The following GPHN variants were observed in gnomAD, a reference collection of about 807,000 sequenced individuals.
The protein encoded by GPHN is gephyrin.
Under a neutral mutation model 95.5 loss-of-function variants are expected in GPHN, and 17 were observed. That is an observed-to-expected ratio of 0.18 (90% CI 0.12 to 0.27). The LOEUF (loss-of-function observed/expected upper bound fraction) is 0.27. Ranked by LOEUF, GPHN falls within the 10% of genes least tolerant of loss-of-function variation. The probability of loss-of-function intolerance (pLI) is 1.00; values close to 1 mark genes in which losing one functional copy is unlikely to be tolerated. For synonymous variants in GPHN, 320 were observed against 322.5 expected (o/e 0.99, Z 0.08); for missense variants, 660 against 978.1 (o/e 0.67, Z 4.34).
the GPHN span, among the ~76,000 whole-genome samples, chr14:67,196,462 T>A: frequency 6.6e-6 from 1 of 152,196 alleles, no homozygotes; most frequent in Non-Finnish European, 1.5e-5. Context: ...CCTAAGGTGA[T>A]CTGCCCGCCT....
At chr14:67,144,242 A>ATATATATATATATATATATAT (rs1567399860) in intron 18 of GPHN, among the ~76,000 whole-genome samples, 1 of 68,076 alleles carries the variant, frequency 1.5e-5, no homozygotes, top group African/African-American at 7.9e-5. Context: ...GTCTTAAAAA[A>ATATATATATATATATATATAT]AAAAAAAAAT....
At chr14:66,714,070 A>G (rs1454775963) in intron 2 of GPHN, among the ~76,000 whole-genome samples, 1 of 152,092 alleles carries the variant, frequency 6.6e-6, no homozygotes, top group Admixed American at 6.6e-5. Flanking sequence ...TGCCAGGCCC[A>G]GTATGGTCAT....
At chr14:66,683,359 T>C (rs1176728883) in intron 2 of GPHN, among the ~76,000 whole-genome samples, 2 of 88,668 alleles carry the variant, frequency 2.3e-5, no homozygotes, top group East Asian at 5.6e-4. Flanking sequence ...TATATATATA[T>C]ATATATATAT....
the GPHN span, among the ~76,000 whole-genome samples, chr14:67,493,405 CCA>C: frequency 6.6e-6 from 1 of 152,174 alleles, no homozygotes; most frequent in Admixed American, 6.5e-5. Context: ...CCAACCCCAG[CCA>C]ACACAGGGAG....
At chr14:67,228,270 G>T in the GPHN span, 2 of 218,572 alleles carry the variant, frequency 9.2e-6, no homozygotes, top group African/African-American at 4.7e-5. Flanking sequence ...TTTATATCAA[G>T]AAGAAAAGTT....
intron 9 of GPHN, among the ~76,000 whole-genome samples, chr14:66,972,973 A>C (rs760236720): frequency 2.2e-4 from 34 of 152,204 alleles, no homozygotes; most frequent in Non-Finnish European, 4.1e-4. Flanking sequence ...ATAATGTCTG[A>C]GTACTATTAC....
chr14:66,808,816 T>C (rs2060651114), intron 3 of GPHN, among the ~76,000 whole-genome samples: 1 of 152,140 alleles, frequency 6.6e-6, no homozygotes, highest in Non-Finnish European at 1.5e-5. Context: ...GTATATATTT[T>C]AGATATGTAT....
the GPHN span, chr14:67,292,755 G>A: frequency 3.3e-6 from 5 of 1,495,628 alleles, no homozygotes; most frequent in Admixed American, 3.5e-5. Flanking sequence ...TGTCTACAAG[G>A]TAATTAGTAG....
chr14:67,320,546 T>C, the GPHN span: 5 of 735,362 alleles, frequency 6.8e-6, no homozygotes, highest in African/African-American at 7.3e-5. Context: ...TGACAATTTT[T>C]AAATTAAAAA....
chr14:66,612,050 TAA>T (rs938649912), intron 1 of GPHN, among the ~76,000 whole-genome samples: 1 of 152,062 alleles, frequency 6.6e-6, no homozygotes, highest in Non-Finnish European at 1.5e-5. Flanking sequence ...GCCTAATACT[TAA>T]ACTGTTCTCT....
the GPHN span, among the ~76,000 whole-genome samples, chr14:67,686,708 T>A: frequency 6.6e-6 from 1 of 151,686 alleles, no homozygotes; most frequent in Non-Finnish European, 1.5e-5. Flanking sequence ...ACATGCTATT[T>A]CAGGCCCCCA....
intron 13 of GPHN, among the ~76,000 whole-genome samples, chr14:67,109,906 C>T (rs1028936013): frequency 6.6e-5 from 10 of 151,936 alleles, no homozygotes; most frequent in African/African-American, 1.7e-4. Context: ...ACCAAGACAC[C>T]GAATAGTCAT....
chr14:67,727,062 C>T, the GPHN span: 41 of 1,614,082 alleles, frequency 2.5e-5, no homozygotes, highest in East Asian at 5.8e-4. Context: ...TCCTCGGTGG[C>T]TCACCACATT....
the GPHN span, among the ~76,000 whole-genome samples, chr14:67,389,860 T>C: frequency 6.6e-6 from 1 of 152,052 alleles, no homozygotes; most frequent in Admixed American, 6.6e-5. Flanking sequence ...AGGAAGGAGT[T>C]TGAACTCCAT....
chr14:67,333,272 A>G, the GPHN span: 1 of 196,930 alleles, frequency 5.1e-6, no homozygotes. Flanking sequence ...GCTTAGTTGT[A>G]TCTCTGTGAA....
At chr14:66,727,552 T>C (rs118126280) in intron 2 of GPHN, among the ~76,000 whole-genome samples, 52 of 152,252 alleles carry the variant, frequency 3.4e-4, no homozygotes, top group Middle Eastern at 6.8e-3. Context: ...TGGTCTCAGA[T>C]GGAGATGAAG....
chr14:66,549,822 C>G (rs1390329677), intron 1 of GPHN, among the ~76,000 whole-genome samples: 1 of 152,066 alleles, frequency 6.6e-6, no homozygotes, highest in Non-Finnish European at 1.5e-5. Context: ...AAATCCTGTG[C>G]CATTAAAAAT....
Position 66,707,542 on chromosome 14 carries a change from T to C in GPHN, c.143+26357T>C, listed in dbSNP as rs2069197560. On this transcript the variant is annotated intron_variant, in intron 2 of 22. Transcript: ENST00000478722. ...ACATGGGTGAAGCTGGAAGTCATCA[T>C]CCTCAGCAAACTTAACGTGGGAACA... Among the ~76,000 whole-genome samples the C allele has an allele frequency of 2.6e-5, 4 of 152,254 alleles. No individual in the cohort carries two copies. In the South Asian group the frequency reaches 8.3e-4, roughly 32 times the overall value.
At chr14:66,919,238 G>C (rs559229689) in intron 6 of GPHN, among the ~76,000 whole-genome samples, 1 of 152,208 alleles carries the variant, frequency 6.6e-6, no homozygotes, top group South Asian at 2.1e-4. Flanking sequence ...CTACTGCCCT[G>C]CTCTAACTAA....
Sources: gnomAD v4.1 joint callset for allele counts (sites outside exome capture counted in the v4.1 genomes callset) on GRCh38, gnomAD v4.1.1 for gene constraint, MANE v1.5 for transcripts, NCBI Gene and HGNC (gene_info 2026-07-23, HGNC 2026-07-21) for gene names.